PHACTR3: variants seen among roughly 807,000 people sequenced by gnomAD.
PHACTR3 encodes the protein phosphatase and actin regulator 3.
PHACTR3 carries 16 observed loss-of-function variants against 66.8 expected under a neutral mutation model. The observed-to-expected ratio is 0.24, with a 90% CI of 0.16 to 0.36. The LOEUF (loss-of-function observed/expected upper bound fraction) is 0.36. Ranked by LOEUF, PHACTR3 falls within the 10% of genes least tolerant of loss-of-function variation. The probability of loss-of-function intolerance (pLI) is 1.00; values close to 1 mark genes in which losing one functional copy is unlikely to be tolerated. For missense variants in PHACTR3, 647 were observed against 719.9 expected, an observed-to-expected ratio of 0.90 and a Z score of 1.16; for synonymous variants, 323 against 292.1, an observed-to-expected ratio of 1.11 and a Z score of -1.08.
intron 9 of PHACTR3, among the ~76,000 whole-genome samples, chr20:59,839,078 A>G (rs1448171408): frequency 1.3e-5 from 2 of 151,854 alleles, no homozygotes; most frequent in African/African-American, 4.8e-5. Flanking sequence ...CAATCTTTTC[A>G]CATGGAAGCT....
intron 7 of PHACTR3, among the ~76,000 whole-genome samples, chr20:59,785,879 T>G (rs1183583031): frequency 2.9e-3 from 32 of 10,980 alleles, no homozygotes; most frequent in Middle Eastern, 0.062. Flanking sequence ...ATCCCCTACT[T>G]CATTTTGTTT....
chr20:59,826,437 G>A (rs1030205389), intron 8 of PHACTR3, among the ~76,000 whole-genome samples: 1 of 152,178 alleles, frequency 6.6e-6, no homozygotes, highest in South Asian at 2.1e-4. Flanking sequence ...GCCAGGCAGG[G>A]TGGTGGGGCC....
At chr20:59,673,442 C>T (rs1278566871) in intron 1 of PHACTR3, among the ~76,000 whole-genome samples, 2 of 152,214 alleles carry the variant, frequency 1.3e-5, no homozygotes, top group South Asian at 2.1e-4. Flanking sequence ...GGGGTGTCTG[C>T]GGTTCGCCCC....
chr20:59,766,624 C>T (rs1025716222), intron 4 of PHACTR3, among the ~76,000 whole-genome samples: 2 of 152,136 alleles, frequency 1.3e-5, no homozygotes, highest in East Asian at 3.9e-4. Context: ...CAAGTCGATC[C>T]TTCCTATCCT....
At chr20:59,761,523 CAA>C (rs1174729511) in intron 4 of PHACTR3, among the ~76,000 whole-genome samples, 1 of 152,210 alleles carries the variant, frequency 6.6e-6, no homozygotes, top group Non-Finnish European at 1.5e-5. Flanking sequence ...TAACTGGCTG[CAA>C]AGTGTGTCCC....
At chr20:59,689,287 A>G (rs73915053) in intron 1 of PHACTR3, among the ~76,000 whole-genome samples, 5,514 of 152,314 alleles carry the variant, frequency 0.036, 345 homozygotes, top group African/African-American at 0.13. Context: ...GGCAGAACTC[A>G]GTTCCAGGTT....
intron 4 of PHACTR3, among the ~76,000 whole-genome samples, chr20:59,757,985 T>C (rs2039865003): frequency 6.6e-6 from 1 of 151,976 alleles, no homozygotes; most frequent in South Asian, 2.1e-4. Flanking sequence ...AAATTCAAAA[T>C]AAACAGCCCA....
chr20:59,790,729 A>G (rs2041065099), intron 7 of PHACTR3, among the ~76,000 whole-genome samples: 1 of 152,236 alleles, frequency 6.6e-6, no homozygotes, highest in Non-Finnish European at 1.5e-5. Context: ...CATCAGAATT[A>G]AGTGGGAGTC....
intron 1 of PHACTR3, among the ~76,000 whole-genome samples, chr20:59,620,335 A>G (rs564289571): frequency 7.2e-5 from 11 of 152,320 alleles, no homozygotes; most frequent in African/African-American, 2.6e-4. Context: ...GTACAATACA[A>G]TTAACTCATC....
At chr20:59,711,661 C>T in intron 1 of PHACTR3, among the ~76,000 whole-genome samples, 1 of 152,132 alleles carries the variant, frequency 6.6e-6, no homozygotes, top group East Asian at 1.9e-4. Flanking sequence ...AAATCATCTA[C>T]CACAGCCTAT....
chr20:59,728,188 G>A (rs1399780860), intron 1 of PHACTR3, among the ~76,000 whole-genome samples: 2 of 152,012 alleles, frequency 1.3e-5, no homozygotes, highest in African/African-American at 2.4e-5. Flanking sequence ...CACATCCCGC[G>A]GCAGCCACCA....
intron 7 of PHACTR3, among the ~76,000 whole-genome samples, chr20:59,795,708 T>C (rs990317901): frequency 1.1e-4 from 16 of 152,144 alleles, no homozygotes; most frequent in African/African-American, 3.4e-4. Flanking sequence ...CTTGTTGAAT[T>C]GATTTCATCA....
intron 1 of PHACTR3, among the ~76,000 whole-genome samples, chr20:59,662,748 A>G (rs1169349818): frequency 1.3e-5 from 2 of 152,122 alleles, no homozygotes; most frequent in African/African-American, 2.4e-5. Context: ...TCGCTGAGGC[A>G]GGAGGTGCTG....
Position 59,845,741 on chromosome 20 carries a change from T to C in PHACTR3, c.1664+476T>C, listed in dbSNP as rs148391727. The stretch of plus-strand genomic sequence containing the variant: ...TGAGTATTTGTTTCCTCAGTAAATA[T>C]TTGAGTAAGTGCTGAGAATGCAATA... On this transcript the variant is annotated intron_variant, in intron 12 of 12. Transcript: ENST00000371015. Among the ~76,000 whole-genome samples the C allele has an allele frequency of 4.6e-3, 701 of 152,294 alleles. 1 individual carries two copies. The highest frequency in any genetic ancestry group is 8.9e-3 in the South Asian group (43 of 4,828).
At chr20:59,592,720 A>G (rs917506618) in intron 1 of PHACTR3, among the ~76,000 whole-genome samples, 2 of 152,340 alleles carry the variant, frequency 1.3e-5, no homozygotes, top group South Asian at 2.1e-4. Flanking sequence ...GCCTTTTTCA[A>G]GAACAGCGTA....
intron 1 of PHACTR3, among the ~76,000 whole-genome samples, chr20:59,742,360 G>A (rs2039197186): frequency 6.6e-6 from 1 of 152,180 alleles, no homozygotes; most frequent in South Asian, 2.1e-4. Flanking sequence ...ACTGCCATGA[G>A]CTTCCTAGGA....
At chr20:59,836,433 C>A in intron 8 of PHACTR3, 72 bp from the exon 9 acceptor site, 2 of 1,476,292 alleles carry the variant, frequency 1.4e-6, no homozygotes, top group South Asian at 1.3e-5. Context: ...CACCTCTCAT[C>A]CTTGCAGACC....
chr20:59,632,931 G>A (rs751042542), intron 1 of PHACTR3, among the ~76,000 whole-genome samples: 6 of 152,198 alleles, frequency 3.9e-5, no homozygotes, highest in Admixed American at 6.5e-5. Context: ...GGTGTTTCCC[G>A]GGAGGGTGGT....
chr20:59,677,928 G>A (rs1379758302), intron 1 of PHACTR3, among the ~76,000 whole-genome samples: 3 of 152,112 alleles, frequency 2.0e-5, no homozygotes, highest in East Asian at 3.9e-4. Flanking sequence ...CCACCATTTC[G>A]GTTGTCACCT....
Sources: allele counts gnomAD v4.1 joint callset (sites outside exome capture counted in the v4.1 genomes callset), GRCh38; gene constraint gnomAD v4.1.1; transcripts MANE v1.5; gene names NCBI Gene and HGNC (gene_info 2026-07-23, HGNC 2026-07-21).